Variants in SCCPDH observed in about 807,000 individuals in gnomAD.
SCCPDH encodes the protein saccharopine dehydrogenase-like oxidoreductase.
Under a neutral mutation model 51.5 loss-of-function variants are expected in SCCPDH, and 34 were observed. The ratio of observed to expected loss-of-function variants is 0.66; its 90% CI spans 0.50 to 0.88. The LOEUF (loss-of-function observed/expected upper bound fraction) is 0.88. SCCPDH is among the 40% of genes least tolerant of loss of function. The probability of loss-of-function intolerance (pLI) is 0.00; values close to 1 mark genes in which losing one functional copy is unlikely to be tolerated. For synonymous variants in SCCPDH, 187 were observed against 191.3 expected, an observed-to-expected ratio of 0.98 and a Z score of 0.19; for missense variants, 464 against 527.1, an observed-to-expected ratio of 0.88 and a Z score of 1.17.
intron 1 of SCCPDH, among the ~76,000 whole-genome samples, chr1:246,724,982 G>T (rs1182452173): frequency 6.6e-6 from 1 of 152,106 alleles, no homozygotes; most frequent in Non-Finnish European, 1.5e-5. Flanking sequence ...GAATCTGCGG[G>T]TTTCTAGATG....
At chr1:246,757,344 C>CA (rs10649597) in intron 5 of SCCPDH, among the ~76,000 whole-genome samples, 1,883 of 76,996 alleles carry the variant, frequency 0.024, 64 homozygotes, top group African/African-American at 0.062. Context: ...GACTCTGTCT[C>CA]AAAAAAAAAA....
intron 3 of SCCPDH, 59 bp from the exon 4 acceptor site, chr1:246,740,113 T>TCTG: frequency 7.5e-7 from 1 of 1,329,014 alleles, no homozygotes; most frequent in South Asian, 1.5e-5. Flanking sequence ...ATAAATTATT[T>TCTG]AATACTGGTC....
chr1:246,741,094 G>GCAAAAAAA (rs528149051), intron 4 of SCCPDH, among the ~76,000 whole-genome samples: 1 of 151,028 alleles, frequency 6.6e-6, no homozygotes, highest in Non-Finnish European at 1.5e-5. Flanking sequence ...TTAGAAAAAA[G>GCAAAAAAA]CAAAAAAACA....
intron 5 of SCCPDH, among the ~76,000 whole-genome samples, chr1:246,753,500 G>A (rs1344108277): frequency 1.3e-5 from 2 of 151,928 alleles, no homozygotes; most frequent in African/African-American, 4.8e-5. Flanking sequence ...TCTTTCCCTT[G>A]CTGTACATAA....
intron 7 of SCCPDH, 36 bp downstream of exon 7, chr1:246,759,187 T>C: frequency 9.0e-7 from 1 of 1,106,782 alleles, no homozygotes; most frequent in Non-Finnish European, 1.4e-6. Flanking sequence ...ATAAAGTGTG[T>C]GTTACAGTTC....
chr1:246,747,584 G>T (rs1198774706), intron 5 of SCCPDH, among the ~76,000 whole-genome samples: 1 of 152,198 alleles, frequency 6.6e-6, no homozygotes, highest in African/African-American at 2.4e-5. Flanking sequence ...CTATAGAAGG[G>T]TGCATCTCGT....
At chr1:246,738,184 G>A (rs778678042) in intron 3 of SCCPDH, among the ~76,000 whole-genome samples, 2 of 151,652 alleles carry the variant, frequency 1.3e-5, no homozygotes, top group South Asian at 2.1e-4. Flanking sequence ...CAACAGGGTC[G>A]GATCCTGTCT....
intron 5 of SCCPDH, among the ~76,000 whole-genome samples, chr1:246,750,952 C>G (rs1432792070): frequency 1.3e-5 from 2 of 152,224 alleles, no homozygotes; most frequent in Non-Finnish European, 2.9e-5. Context: ...TTCCTGTGCA[C>G]CCATAAACTC....
intron 3 of SCCPDH, 141 bp from the exon 4 acceptor site, chr1:246,740,031 T>C (rs1198634961): frequency 5.4e-6 from 3 of 556,088 alleles, no homozygotes; most frequent in Non-Finnish European, 9.1e-6. Context: ...GGAAAATATT[T>C]TGACAGTTAA....
intron 2 of SCCPDH, among the ~76,000 whole-genome samples, chr1:246,728,969 A>G (rs1295945694): frequency 1.3e-5 from 2 of 152,230 alleles, no homozygotes; most frequent in Non-Finnish European, 2.9e-5. Context: ...GTACAAAGAG[A>G]AATTTTACAG....
chr1:246,748,471 CT>C (rs34088713), intron 5 of SCCPDH, among the ~76,000 whole-genome samples: 12 of 152,144 alleles, frequency 7.9e-5, no homozygotes, highest in Non-Finnish European at 1.6e-4. Flanking sequence ...CAAACACCGC[CT>C]TTTTTGGCTA....
chr1:246,735,910 A>G (rs1382970754), intron 2 of SCCPDH, 65 bp from the exon 3 acceptor site: 1 of 1,003,460 alleles, frequency 1.0e-6, no homozygotes, highest in African/African-American at 1.6e-5. Flanking sequence ...CCAGGATTAG[A>G]TGGCATTTTA....
At chr1:246,762,565 G>C (rs74227172) in intron 9 of SCCPDH, among the ~76,000 whole-genome samples, 5,611 of 152,240 alleles carry the variant, frequency 0.037, 309 homozygotes, top group East Asian at 0.17. Context: ...ATCATGGCCG[G>C]GCGCAGTGGC....
chr1:246,750,181 C>A (rs1195562118), intron 5 of SCCPDH, among the ~76,000 whole-genome samples: 1 of 152,120 alleles, frequency 6.6e-6, no homozygotes, highest in East Asian at 1.9e-4. Flanking sequence ...AGTTTTCCTT[C>A]CCTTTAGCTT....
chr1:246,733,048 G>A (rs1052211529), intron 2 of SCCPDH, among the ~76,000 whole-genome samples: 4 of 152,108 alleles, frequency 2.6e-5, no homozygotes, highest in African/African-American at 9.7e-5. Flanking sequence ...TGTTAGAAGT[G>A]GGACCCAGGC....
At chr1:246,739,278 TATG>T (rs1172866823) in intron 3 of SCCPDH, among the ~76,000 whole-genome samples, 2 of 152,180 alleles carry the variant, frequency 1.3e-5, no homozygotes, top group Non-Finnish European at 2.9e-5. Context: ...CCCGATGTGA[TATG>T]ATATGATAAG....
At chr1:246,741,209 T>C (rs746289982) in intron 4 of SCCPDH, among the ~76,000 whole-genome samples, 3 of 152,166 alleles carry the variant, frequency 2.0e-5, no homozygotes, top group Non-Finnish European at 4.4e-5. Flanking sequence ...ATTAAAAAGT[T>C]AGCATAACTA....
At chr1:246,735,416 T>C (rs1415532040) in intron 2 of SCCPDH, among the ~76,000 whole-genome samples, 1 of 152,236 alleles carries the variant, frequency 6.6e-6, no homozygotes, top group Non-Finnish European at 1.5e-5. Context: ...GGGAATCACT[T>C]GTATGAAACT....
At chr1:246,732,008 C>T (rs1255150396) in intron 2 of SCCPDH, among the ~76,000 whole-genome samples, 2 of 152,078 alleles carry the variant, frequency 1.3e-5, no homozygotes, top group Non-Finnish European at 2.9e-5. Flanking sequence ...ATGATGGTTT[C>T]CAGCTTCATC....
Sources: allele counts gnomAD v4.1 joint callset (sites outside exome capture counted in the v4.1 genomes callset), GRCh38; gene constraint gnomAD v4.1.1; transcripts MANE v1.5; gene names NCBI Gene and HGNC (gene_info 2026-07-23, HGNC 2026-07-21).